Variants in BCL6 observed in about 807,000 individuals in gnomAD.
The protein encoded by BCL6 is BCL6 transcription repressor.
BCL6 carries 7 observed loss-of-function variants against 59.5 expected under a neutral mutation model. The observed-to-expected ratio is 0.12, with a 90% CI of 0.07 to 0.22. The LOEUF is 0.22. Among genes scored for constraint, BCL6 ranks in the 10% least tolerant of loss-of-function variants. BCL6 has a pLI of 1.00. For missense variants in BCL6, 685 were observed against 939.4 expected (o/e 0.73, Z 3.54); for synonymous variants, 339 against 349.7 (o/e 0.97, Z 0.34).
intron 1 of BCL6, among the ~76,000 whole-genome samples, chr3:187,740,438 A>G (rs921338150): frequency 3.3e-5 from 5 of 151,920 alleles, no homozygotes; most frequent in Admixed American, 3.3e-4. Flanking sequence ...CTTAGGCCAT[A>G]TTTTCTTTAA....
intron 1 of BCL6, among the ~76,000 whole-genome samples, chr3:187,738,494 A>G (rs1180915397): frequency 2.6e-5 from 4 of 152,148 alleles, no homozygotes; most frequent in Non-Finnish European, 5.9e-5. Flanking sequence ...TTTCCCCGAA[A>G]CCGTAGAGAC....
intron 6 of BCL6, among the ~76,000 whole-genome samples, chr3:187,727,821 T>C (rs1195956037): frequency 6.6e-6 from 1 of 152,170 alleles, no homozygotes; most frequent in Non-Finnish European, 1.5e-5. Flanking sequence ...TTTTGTCTGG[T>C]AAAAACTGGG....
chr3:187,734,192 C>A (rs6773039), intron 2 of BCL6, among the ~76,000 whole-genome samples: 21,678 of 152,124 alleles, frequency 0.14, 1,777 homozygotes, highest in African/African-American at 0.22. Context: ...AGGTGCCTGC[C>A]ACCATGCCCA....
At chr3:187,733,502 C>T in intron 3 of BCL6, 31 bp downstream of exon 3, 3 of 1,606,318 alleles carry the variant, frequency 1.9e-6, no homozygotes, top group Non-Finnish European at 2.6e-6. Flanking sequence ...CCCACTTTGA[C>T]TTACCCACCC....
At chr3:187,733,824 TG>T in intron 2 of BCL6, 121 bp from the exon 3 acceptor site, 1 of 962,262 alleles carries the variant, frequency 1.0e-6, no homozygotes, top group Non-Finnish European at 1.6e-6. Context: ...CCCTTGTATT[TG>T]ATCTTTGAAC....
intron 1 of BCL6, among the ~76,000 whole-genome samples, chr3:187,744,598 A>C (rs1576885217): frequency 6.6e-6 from 1 of 152,216 alleles, no homozygotes; most frequent in East Asian, 1.9e-4. Context: ...ACAAAAACCC[A>C]AAGAGTTCGC....
chr3:187,722,649 A>G, intron 9 of BCL6, 48 bp from the exon 10 acceptor site: 1 of 1,589,166 alleles, frequency 6.3e-7, no homozygotes, highest in South Asian at 1.1e-5. Context: ...AACCCAAGAA[A>G]GATGTCATTG....
chr3:187,745,023 C>G (rs1711856669), intron 1 of BCL6, among the ~76,000 whole-genome samples: 1 of 151,890 alleles, frequency 6.6e-6, no homozygotes, highest in African/African-American at 2.4e-5. Context: ...CCCCTAATTC[C>G]CCTCCTTCCT....
Position 187,740,476 on chromosome 3 carries a change from CGG to C in BCL6, c.-50+4932_-50+4933del, listed in dbSNP as rs1711546587. Among the ~76,000 whole-genome samples, 3 of 152,198 alleles carry C rather than the reference CGG, an allele frequency of 2.0e-5. No individual in the cohort carries two copies. In the East Asian group the frequency reaches 5.8e-4, roughly 29 times the overall value. On this transcript the variant is annotated intron_variant, in intron 1 of 9. Transcript: ENST00000406870. ...AAAATCCTCCAAGACTGCTGGGGAG[CGG>C]TTTCCAATGAACACTGGCAACAAAG...
intron 1 of BCL6, among the ~76,000 whole-genome samples, chr3:187,744,535 A>C: frequency 6.6e-6 from 1 of 152,182 alleles, no homozygotes; most frequent in East Asian, 1.9e-4. Context: ...TCTGAAAGGA[A>C]ATAGTAGACA....
At chr3:187,740,734 T>C (rs1359263037) in intron 1 of BCL6, among the ~76,000 whole-genome samples, 1 of 152,188 alleles carries the variant, frequency 6.6e-6, no homozygotes, top group Non-Finnish European at 1.5e-5. Context: ...AGCTCCTAGG[T>C]GGCATCCTTC....
Position 187,728,504 on chromosome 3 carries a change from A to G in BCL6, c.1396T>C (p.Ser466Pro). The change falls in exon 6 of 10, where the codon TCA becomes CCA. Residue 466 changes from serine to proline, a missense_variant. This residue lies in a region of BCL6 where 207 missense variants were observed against 213.7 expected (regional missense o/e 0.97). Transcript: ENST00000406870. ...TTCGGGGGGTGCATGTAGAGTGGTG[A>G]GTGGCTCTCGCTGCTGCTGCGGGGA... ...GSPRSSSESH[S>P]PLYMHPPKCT... The G allele has an allele frequency of 6.2e-7, 1 of 1,610,744 alleles. No homozygotes were observed. Among genetic ancestry groups the G allele is most frequent in the Admixed American group, 1.7e-5 (1 of 59,756 alleles).
intron 3 of BCL6, among the ~76,000 whole-genome samples, chr3:187,732,134 G>A (rs1969414): frequency 1.3e-5 from 2 of 152,178 alleles, no homozygotes; most frequent in Non-Finnish European, 2.9e-5. Flanking sequence ...TCCTTACAAC[G>A]CTGCAAGGTA....
chr3:187,730,201 C>G (rs561846714), intron 4 of BCL6, among the ~76,000 whole-genome samples, 180 bp from the exon 5 acceptor site: 1 of 152,308 alleles, frequency 6.6e-6, no homozygotes, highest in East Asian at 1.9e-4. Flanking sequence ...GAAATCCAGC[C>G]TGAAATTGGG....
chr3:187,743,802 GGCC>G (rs1486608462), intron 1 of BCL6, among the ~76,000 whole-genome samples: 1 of 139,088 alleles, frequency 7.2e-6, no homozygotes, highest in Non-Finnish European at 1.5e-5. Context: ...TCCCTCCCCG[GGCC>G]GCCGCCGCCG....
At position 187,729,547 on chromosome 3, in the gene BCL6, G is replaced by A; in HGVS notation, c.858C>T (p.Pro286=). The change falls in exon 5 of 10, where the codon CCC becomes CCT. Residue 286 remains proline, a synonymous_variant. Coordinates refer to ENST00000406870, the MANE Select transcript of BCL6 (RefSeq NM_001706.5). This position sits in a 1 kb window ranked among gnomAD's most constrained non-coding sequence, Gnocchi z 5.6. Reference sequence around the variant, plus strand: ...GGAAGTAGGGGGCATTTCGGGCTGAGGGGGCAGCAGGTTTGAGGCCCTCAG... The same window carrying A: ...GGAAGTAGGGGGCATTTCGGGCTGAAGGGGCAGCAGGTTTGAGGCCCTCAG... ...SVAEGLKPAA[P]SARNAPYFPC... is the part of the protein sequence containing the mutation. The A allele has an allele frequency of 6.2e-7, 1 of 1,613,952 alleles. No homozygotes were observed.
chr3:187,734,047 T>G (rs1189348786), intron 2 of BCL6, among the ~76,000 whole-genome samples: 8 of 152,078 alleles, frequency 5.3e-5, no homozygotes, highest in African/African-American at 1.9e-4. Context: ...TTTGTTTTTG[T>G]TTTTGTTTTT....
intron 1 of BCL6, chr3:187,736,685 T>C (rs1244434635): frequency 1.3e-5 from 2 of 152,134 alleles, no homozygotes; most frequent in African/African-American, 2.4e-5. Context: ...CAAATGTACA[T>C]ACACGAGGCG....
At chr3:187,745,139 A>G (rs567667083) in intron 1 of BCL6, among the ~76,000 whole-genome samples, 3 of 152,190 alleles carry the variant, frequency 2.0e-5, no homozygotes, top group East Asian at 3.9e-4. Flanking sequence ...TAATAAATAC[A>G]TAACAATCTA....
Sources: allele counts gnomAD v4.1 joint callset (sites outside exome capture counted in the v4.1 genomes callset), GRCh38; gene constraint gnomAD v4.1.1; regional missense constraint gnomAD v4.1.1; non-coding constraint Gnocchi (gnomAD v3.1); transcripts MANE v1.5; gene names NCBI Gene and HGNC (gene_info 2026-07-23, HGNC 2026-07-21).